Variants in POLR3A observed in about 807,000 individuals in gnomAD.
POLR3A encodes RNA polymerase III subunit A.
In POLR3A, 112 loss-of-function variants were observed where a neutral mutation model predicts 152.8. The ratio of observed to expected loss-of-function variants is 0.73; its 90% CI spans 0.63 to 0.86. POLR3A has a LOEUF of 0.86. Ranked by LOEUF, POLR3A falls within the 40% of genes least tolerant of loss-of-function variation. The pLI is 0.00. For missense variants in POLR3A, 1,385 were observed against 1,743.1 expected (o/e 0.79, Z 3.66); for synonymous variants, 615 against 652.1 (o/e 0.94, Z 0.87).
At chr10:77,982,368 G>C (rs1181889096) in intron 27 of POLR3A, 50 bp from the exon 28 acceptor site, 6 of 1,565,372 alleles carry the variant, frequency 3.8e-6, no homozygotes, top group Non-Finnish European at 4.4e-6. Context: ...GCCATGCCCT[G>C]GGCTGATCAC....
intron 9 of POLR3A, among the ~76,000 whole-genome samples, chr10:78,018,185 A>C (rs1254556199): frequency 6.6e-6 from 1 of 151,356 alleles, no homozygotes; most frequent in East Asian, 2.0e-4. Context: ...AAAAAAAAAA[A>C]AAAACCATGA....
chr10:78,021,089 C>A (rs1406903754), intron 8 of POLR3A, among the ~76,000 whole-genome samples: 1 of 152,120 alleles, frequency 6.6e-6, no homozygotes, highest in African/African-American at 2.4e-5. Flanking sequence ...CTCAGTCTCC[C>A]CAGTAGCTGG....
chr10:77,991,154 C>T lies in POLR3A; in HGVS notation c.2801G>A (p.Cys934Tyr). The change falls in exon 21 of 31, where the codon TGT becomes TAT. Residue 934 changes from cysteine to tyrosine, a missense_variant. Around this residue, in one of 7 missense-constraint regions of POLR3A, gnomAD observed 178 missense variants for 204.6 expected, o/e 0.87. Transcript: ENST00000372371. ...VLDNIKAVFP[C>Y]PSEPALSKNE... ...TTTGCTGAGAGCAGGCTCACTGGGACACGGGAAGACTGCCTTGAGTATTAA... is the reference window on the plus strand; with the variant it reads ...TTTGCTGAGAGCAGGCTCACTGGGATACGGGAAGACTGCCTTGAGTATTAA... 4 of 1,607,522 alleles carry T rather than the reference C, an allele frequency of 2.5e-6. No homozygotes were observed. The highest frequency in any genetic ancestry group is 3.4e-6 in the Non-Finnish European group (4 of 1,173,986).
chr10:77,999,579 ATTAGAG>A (rs1847335742), intron 19 of POLR3A, among the ~76,000 whole-genome samples: 1 of 152,210 alleles, frequency 6.6e-6, no homozygotes, highest in Non-Finnish European at 1.5e-5. Flanking sequence ...GGAATAGGTC[ATTAGAG>A]TTAATTAGAA....
chr10:78,005,828 G>A (rs970202299), intron 15 of POLR3A, among the ~76,000 whole-genome samples: 2 of 152,186 alleles, frequency 1.3e-5, no homozygotes, highest in Non-Finnish European at 2.9e-5. Flanking sequence ...CAAGAGCACT[G>A]AGGGAAAGTC....
intron 14 of POLR3A, among the ~76,000 whole-genome samples, chr10:78,008,881 G>A (rs1274991074): frequency 3.3e-5 from 5 of 151,646 alleles, no homozygotes; most frequent in Admixed American, 6.6e-5. Flanking sequence ...TCCAGGCTGG[G>A]TGCAGTGGCT....
rs1437222077 is a variant in POLR3A, at chr10:77,984,240, C to T, written c.3301G>A (p.Val1101Met). 1.2e-6 allele frequency: 2 copies of T among 1,612,872 alleles called. No homozygotes were observed. Among genetic ancestry groups the T allele is most frequent in the South Asian group, 1.1e-5 (1 of 91,046 alleles). The change falls in exon 25 of 31, where the codon GTG becomes ATG. Residue 1101 changes from valine to methionine, a missense_variant. By Grantham distance (21) the Val-to-Met change is conservative. Around this residue, in one of 7 missense-constraint regions of POLR3A, gnomAD observed 332 missense variants for 400.1 expected, o/e 0.83. Coordinates refer to ENST00000372371, the MANE Select transcript of POLR3A (RefSeq NM_007055.4). Reference sequence around the variant, plus strand: ...AGGGTTTTCTCAATTCTCCCTTTCACGAGGCGAGCATAATCCGCGTCGTCA... The same window carrying T: ...AGGGTTTTCTCAATTCTCCCTTTCATGAGGCGAGCATAATCCGCGTCGTCA... ...KDDDADYARLVKGRIEKTLLG... is the reference protein window; with the variant it reads ...KDDDADYARLMKGRIEKTLLG...
Position 77,986,147 on chromosome 10 carries a change from A to AT in POLR3A, c.2913dup (p.Phe972IlefsTer3), listed in dbSNP as rs772904218. Reference sequence around the variant, plus strand: ...ATCTTCTCAGAGACCCCCTTAATGAATTTTTTTATTTCCTGAAAGATTACA... The same window carrying AT: ...ATCTTCTCAGAGACCCCCTTAATGAATTTTTTTTATTTCCTGAAAGATTACA... On this transcript the variant is annotated frameshift_variant, in exon 22 of 31. Coordinates refer to ENST00000372371, the MANE Select transcript of POLR3A (RefSeq NM_007055.4). LOFTEE classifies it high-confidence loss of function. 4.6e-6 allele frequency: 7 copies of AT among 1,522,194 alleles called. No individual in the cohort carries two copies. The highest frequency in any genetic ancestry group is 6.4e-6 in the Non-Finnish European group (7 of 1,096,518). 94.3% of individuals were successfully genotyped at this position (1,522,194 alleles called of 1,614,324 possible).
intron 9 of POLR3A, among the ~76,000 whole-genome samples, chr10:78,018,055 A>T (rs1037003530): frequency 6.6e-6 from 1 of 151,638 alleles, no homozygotes; most frequent in Non-Finnish European, 1.5e-5. Flanking sequence ...GTGTGCCTTT[A>T]ATCCCATCTA....
Position 78,013,717 on chromosome 10 carries a change from C to T in POLR3A, c.1505G>A (p.Gly502Asp). The T allele has an allele frequency of 6.2e-7, 1 of 1,613,988 alleles. No homozygotes were observed. Among genetic ancestry groups the T allele is most frequent in the South Asian group, 1.1e-5 (1 of 91,070 alleles). ...AGGAAGATGAAGGTTCATTTCATCA[C>T]CATCAAAGTCAGCATTATAGGGTGT... ...VCTPYNADFD[G>D]DEMNLHLPQT... The change falls in exon 11 of 31, where the codon GGT becomes GAT. Residue 502 changes from glycine to aspartate, a missense_variant. Transcript: ENST00000372371.
intron 19 of POLR3A, among the ~76,000 whole-genome samples, chr10:77,995,472 T>C (rs917765468): frequency 1.3e-5 from 2 of 151,930 alleles, no homozygotes; most frequent in Admixed American, 6.6e-5. Flanking sequence ...GAAGATCTAC[T>C]AAGCAAATGG....
At chr10:78,011,041 T>A (rs1431946786) in intron 11 of POLR3A, among the ~76,000 whole-genome samples, 1 of 151,748 alleles carries the variant, frequency 6.6e-6, no homozygotes, top group Non-Finnish European at 1.5e-5. Context: ...GGAGACGGGG[T>A]CTTACTTTGT....
rs747912604 is a variant in POLR3A, at chr10:77,982,770, A to G, written c.3477T>C (p.Arg1159=). 1.2e-6 allele frequency: 2 copies of G among 1,613,950 alleles called. No individual in the cohort carries two copies. The highest frequency in any genetic ancestry group is 1.3e-5 in the African/African-American group (1 of 74,892). The change falls in exon 27 of 31, where the codon CGT becomes CGC. Residue 1159 remains arginine (R), a synonymous_variant. Coordinates refer to ENST00000372371, the MANE Select transcript of POLR3A (RefSeq NM_007055.4). ...VRYSICTSKL[R]VKPGDVAVHG... is the part of the protein sequence containing the mutation. ...GAACAGCCACATCACCGGGCTTCAC[A>G]CGGAGCTTGGATGTGCAGATGGAAT...
At chr10:78,004,621 C>G in intron 16 of POLR3A, 95 bp downstream of exon 16, 1 of 1,003,592 alleles carries the variant, frequency 1.0e-6, no homozygotes, top group African/African-American at 1.6e-5. Flanking sequence ...CACTCCTTTG[C>G]TACCTCTATT....
rs41274606 is a variant in POLR3A at position 78,001,188 on chromosome 10, T to C, written c.2360-94A>G. 6.0e-3 allele frequency: 4,182 copies of C among 700,330 alleles called. 41 individuals are homozygous for C. The highest frequency in any genetic ancestry group is 5.6e-3 in the Non-Finnish European group (2,126 of 376,818). The allele number at this position is 700,330 out of a possible 1,614,324, so 43.4% of individuals were successfully genotyped here. A position where few individuals can be genotyped will look rare whatever the true frequency, so the allele number is the denominator to read the frequency against. On this transcript the variant is annotated intron_variant, in intron 17 of 30. Transcript: ENST00000372371. ...GGAAGGGTAAAACAGGAATAGGCCC[T>C]TATGCTCAATGAGGTCATGGTCCTG...
chr10:78,011,450 T>C (rs1230314657), intron 11 of POLR3A, among the ~76,000 whole-genome samples: 1 of 152,152 alleles, frequency 6.6e-6, no homozygotes, highest in Non-Finnish European at 1.5e-5. Flanking sequence ...GATATGAAAA[T>C]GCACATGTGT....
At chr10:78,022,994 C>T (rs2131959287) in intron 5 of POLR3A, among the ~76,000 whole-genome samples, 1 of 151,942 alleles carries the variant, frequency 6.6e-6, no homozygotes, top group Middle Eastern at 3.4e-3. Context: ...CTCGTCTCTA[C>T]TAAAAATACA....
In POLR3A at chr10:77,980,149, G is replaced by C. The variant is rs746622568; in HGVS notation, c.4016C>G (p.Ser1339Cys). The C allele has an allele frequency of 1.3e-5, 21 of 1,613,818 alleles. No individual in the cohort carries two copies. Among genetic ancestry groups the C allele is most frequent in the Middle Eastern group, 1.6e-4 (1 of 6,082 alleles). The change falls in exon 30 of 31, where the codon TCT becomes TGT. Residue 1339 changes from serine to cysteine, a missense_variant. Physicochemically the swap from Ser to Cys is moderately radical, Grantham distance 112 (BLOSUM62 -1). Transcript: ENST00000372371. ...FDAAYFGQKD[S>C]VCGVSECIIM... Reference sequence around the variant, plus strand: ...AGAAACATCAAACCTACCACACACAGAGTCCTTCTGCCCGAAGTAGGCAGC... The same window carrying C: ...AGAAACATCAAACCTACCACACACACAGTCCTTCTGCCCGAAGTAGGCAGC...
At chr10:77,980,367 A>G in intron 29 of POLR3A, 94 bp from the exon 30 acceptor site, 3 of 1,234,418 alleles carry the variant, frequency 2.4e-6, no homozygotes, top group Admixed American at 3.6e-5. Flanking sequence ...ATCAACAAAA[A>G]TCCTCCAAGA....
Sources: allele counts gnomAD v4.1 joint callset (sites outside exome capture counted in the v4.1 genomes callset), GRCh38; gene constraint gnomAD v4.1.1; regional missense constraint gnomAD v4.1.1; transcripts MANE v1.5; gene names NCBI Gene and HGNC (gene_info 2026-07-23, HGNC 2026-07-21).